The following GATA4 variants were observed in gnomAD, a reference collection of about 807,000 sequenced individuals.
The protein encoded by GATA4 is transcription factor GATA-4.
GATA4 carries 7 observed loss-of-function variants against 37.9 expected under a neutral mutation model. That is an observed-to-expected ratio of 0.18 (90% CI 0.11 to 0.35). The LOEUF (loss-of-function observed/expected upper bound fraction) is 0.35, where lower values mean the gene tolerates loss of function less well. Among genes scored for constraint, GATA4 ranks in the 10% least tolerant of loss-of-function variants. The pLI is 1.00. For synonymous variants in GATA4, 372 were observed against 292.6 expected (o/e 1.27, Z -2.77); for missense variants, 647 against 653.0 (o/e 0.99, Z 0.10).
At chr8:11,723,709 A>G (rs772383849) in intron 2 of GATA4, among the ~76,000 whole-genome samples, 1 of 152,216 alleles carries the variant, frequency 6.6e-6, no homozygotes, top group Non-Finnish European at 1.5e-5. Context: ...TACCCCAAAG[A>G]TAAGATAAAA....
chr8:11,692,783 G>T (rs1245220189), intron 1 of GATA4: 64 of 982,586 alleles, frequency 6.5e-5, no homozygotes, highest in Non-Finnish European at 7.5e-5. Context: ...CGAGGCTGCC[G>T]AGGGGAGGAA....
At chr8:11,687,343 C>G (rs920286075) in intron 1 of GATA4, among the ~76,000 whole-genome samples, 10 of 152,096 alleles carry the variant, frequency 6.6e-5, no homozygotes, top group Non-Finnish European at 1.5e-4. Context: ...AGAGAATTAT[C>G]CAGAGAAGTA....
At position 11,758,839 on chromosome 8, in the gene GATA4, C is replaced by T; in HGVS notation, c.*364C>T. 2.9e-6 allele frequency: 1 copy of T among 346,288 alleles called. No individual in the cohort carries two copies. The highest frequency in any genetic ancestry group is 5.6e-6 in the Non-Finnish European group (1 of 178,456). The allele number at this position is 346,288 out of a possible 1,614,324, so 21.5% of individuals were successfully genotyped here. A position where few individuals can be genotyped will look rare whatever the true frequency, so the allele number is the denominator to read the frequency against. On this transcript the variant is annotated 3_prime_UTR_variant, in exon 7 of 7. Transcript: ENST00000532059. ...CGAGGATCTGAGAACAAGCGGAGGG[C>T]CGGGCCCTGGGACCCCTGCTCCAGC...
At chr8:11,737,195 T>A (rs963716756) in intron 2 of GATA4, among the ~76,000 whole-genome samples, 1 of 151,844 alleles carries the variant, frequency 6.6e-6, no homozygotes, top group Non-Finnish European at 1.5e-5. Context: ...TTCTACACCC[T>A]TGCTCGCCTC....
At chr8:11,703,893 G>C (rs1008816021), upstream of GATA4, among the ~76,000 whole-genome samples, 2 of 152,240 alleles carry the variant, frequency 1.3e-5, no homozygotes, top group African/African-American at 4.8e-5. Context: ...CACAGGAAGG[G>C]GGGGCGGGGA....
intron 4 of GATA4, 109 bp downstream of exon 4, chr8:11,750,345 G>A (rs1195726826): frequency 1.3e-6 from 2 of 1,482,090 alleles, no homozygotes; most frequent in Non-Finnish European, 1.8e-6. Flanking sequence ...TCTTAACAAA[G>A]AGACTTAGAT....
chr8:11,741,205 T>C (rs1485422315), intron 2 of GATA4, among the ~76,000 whole-genome samples: 1 of 152,060 alleles, frequency 6.6e-6, no homozygotes, highest in African/African-American at 2.4e-5. Flanking sequence ...TGGCCAGAAG[T>C]GGTGGCTCAT....
chr8:11,745,150 A>G (rs779828984), intron 2 of GATA4, among the ~76,000 whole-genome samples: 1 of 152,080 alleles, frequency 6.6e-6, no homozygotes, highest in Non-Finnish European at 1.5e-5. Flanking sequence ...GCATAACCCA[A>G]CTTTGAGGTG....
chr8:11,690,284 G>A (rs894992025), upstream of GATA4, among the ~76,000 whole-genome samples: 1 of 152,206 alleles, frequency 6.6e-6, no homozygotes, highest in Non-Finnish European at 1.5e-5. Context: ...CATCAAGGAT[G>A]GGGATTTACA....
chr8:11,726,082 T>C (rs1305987992), intron 2 of GATA4, among the ~76,000 whole-genome samples: 2 of 152,322 alleles, frequency 1.3e-5, no homozygotes, highest in Non-Finnish European at 2.9e-5. Context: ...CGGAATACCA[T>C]CACCTGGTAC....
chr8:11,696,811 C>T (rs1367915023), intron 1 of GATA4, among the ~76,000 whole-genome samples: 1 of 152,204 alleles, frequency 6.6e-6, no homozygotes, highest in Non-Finnish European at 1.5e-5. Flanking sequence ...ACAGAGTGCT[C>T]ACAGGGTGAT....
Position 11,679,896 on chromosome 8 carries a change from A to G in GATA4, c.-274+2833A>G, listed in dbSNP as rs116384636. Reference sequence around the variant, plus strand: ...AGGGTAACAGTATTGTTAACTGGCCATGAATTTTAATCCCTGTTGTGTGTC... The same window carrying G: ...AGGGTAACAGTATTGTTAACTGGCCGTGAATTTTAATCCCTGTTGTGTGTC... On this transcript the variant is annotated intron_variant, in intron 1 of 6. Coordinates refer to the GATA4 transcript ENST00000528712. Among the ~76,000 whole-genome samples, 1,243 of 152,340 alleles carry G rather than the reference A, an allele frequency of 8.2e-3. 24 individuals carry two copies. Among genetic ancestry groups the G allele is most frequent in the African/African-American group, 0.028 (1,185 of 41,584 alleles).
rs1004112885 is a variant in GATA4, at chr8:11,707,871, G to A, written c.-442G>A. 1 of 248,260 alleles carries A rather than the reference G, an allele frequency of 4.0e-6. No individual in the cohort carries two copies. The highest frequency in any genetic ancestry group is 2.4e-5 in the African/African-American group (1 of 42,288). The allele number at this position is 248,260 out of a possible 1,614,324, so 15.4% of individuals were successfully genotyped here. On this transcript the variant is annotated 5_prime_UTR_variant, in exon 2 of 7. Transcript: ENST00000532059. The surrounding 1 kb of genome is among the most constrained non-coding windows in gnomAD (Gnocchi z 4.7). ...CCTCTTTTAGGACCCCGGCTGCGGC[G>A]AGGAGGAAGGAGCCAGCCTAGCAGC...
chr8:11,743,325 A>G (rs1247213389), intron 2 of GATA4, among the ~76,000 whole-genome samples: 1 of 152,244 alleles, frequency 6.6e-6, no homozygotes, highest in African/African-American at 2.4e-5. Context: ...CGCATGGCAG[A>G]TATTTGAGTT....
At chr8:11,686,044 G>A (rs887133129) in intron 1 of GATA4, among the ~76,000 whole-genome samples, 13 of 152,164 alleles carry the variant, frequency 8.5e-5, no homozygotes, top group Non-Finnish European at 1.3e-4. Flanking sequence ...GTCAGGTTCC[G>A]GTTTTGAAAC....
In GATA4 at chr8:11,709,580, G is replaced by A. The variant is rs968256259; in HGVS notation, c.616+652G>A. 3.9e-5 allele frequency among the ~76,000 whole-genome samples: 6 copies of A among 152,074 alleles called. No individual in the cohort carries two copies. The highest frequency in any genetic ancestry group is 7.2e-5 in the African/African-American group (3 of 41,558). ...TGGGCGCATCATGCGGGCAGCGGGG[G>A]GGGGGGCGCACACGCCCGGTCAGTG... On this transcript the variant is annotated intron_variant, in intron 2 of 6. Coordinates refer to ENST00000532059, the MANE Select transcript of GATA4 (RefSeq NM_001308093.3). The surrounding 1 kb of genome is among the most constrained non-coding windows in gnomAD (Gnocchi z 4.3).
intron 1 of GATA4, among the ~76,000 whole-genome samples, chr8:11,683,385 T>C (rs571360124): frequency 2.2e-4 from 34 of 152,308 alleles, no homozygotes; most frequent in African/African-American, 7.5e-4. Flanking sequence ...ATTCTACCCA[T>C]TGTGACTGTT....
intron 1 of GATA4, among the ~76,000 whole-genome samples, chr8:11,682,904 A>G (rs944875596): frequency 6.6e-5 from 10 of 152,170 alleles, no homozygotes; most frequent in African/African-American, 2.4e-4. Context: ...ACTCCGGAGA[A>G]TTCGGTAGGT....
chr8:11,699,133 T>G (rs1233424557), intron 1 of GATA4, among the ~76,000 whole-genome samples: 1 of 152,226 alleles, frequency 6.6e-6, no homozygotes, highest in African/African-American at 2.4e-5. Flanking sequence ...ATCACTGCAT[T>G]CACAGAGCAT....
Sources: allele counts gnomAD v4.1 joint callset (sites outside exome capture counted in the v4.1 genomes callset), GRCh38; gene constraint gnomAD v4.1.1; non-coding constraint Gnocchi (gnomAD v3.1); transcripts MANE v1.5; gene names NCBI Gene and HGNC (gene_info 2026-07-23, HGNC 2026-07-21).